Variants in WDPCP observed in about 807,000 individuals in gnomAD.
The protein encoded by WDPCP is WD repeat containing planar cell polarity effector.
In WDPCP, 71 loss-of-function variants were observed where a neutral mutation model predicts 93.1. That is an observed-to-expected ratio of 0.76 (90% CI 0.63 to 0.93). The LOEUF is 0.93. WDPCP is among the 40% of genes least tolerant of loss of function. The pLI, the probability that WDPCP is intolerant of heterozygous loss-of-function variation, is 0.00. For missense variants in WDPCP, 844 were observed against 887.4 expected, an observed-to-expected ratio of 0.95 and a Z score of 0.62; for synonymous variants, 315 against 315.0, an observed-to-expected ratio of 1.00 and a Z score of 0.00.
At chr2:63,329,644 A>G (rs909622510) in intron 12 of WDPCP, among the ~76,000 whole-genome samples, 4 of 152,108 alleles carry the variant, frequency 2.6e-5, no homozygotes, top group African/African-American at 9.7e-5. Context: ...CCTTCCCCCA[A>G]AGGTCTTTTC....
chr2:63,437,436 T>C lies in WDPCP; in HGVS notation c.618A>G (p.Ser206=). ...SDVNKRLEKL[S]ALDYKIFYYE... ...AAATCTCTACCTTATAATCCAAGGC[T>C]GAGAGTTTTTCCAGTCTTTTGTTTA... Residue 206 remains serine (S), a synonymous_variant, in exon 8 of 18, where the codon TCA becomes TCG. Transcript: ENST00000272321. 6.2e-7 allele frequency: 1 copy of C among 1,601,472 alleles called. No homozygotes were observed. The highest frequency in any genetic ancestry group is 8.5e-7 in the Non-Finnish European group (1 of 1,173,072).
At chr2:63,261,283 G>C (rs767230648) in intron 13 of WDPCP, among the ~76,000 whole-genome samples, 2 of 150,888 alleles carry the variant, frequency 1.3e-5, no homozygotes, top group African/African-American at 4.9e-5. Context: ...CTTGATGCAA[G>C]TGCAAAGGAA....
chr2:63,528,941 G>C (rs1027463162), intron 1 of WDPCP, among the ~76,000 whole-genome samples: 1 of 152,172 alleles, frequency 6.6e-6, no homozygotes, highest in African/African-American at 2.4e-5. Context: ...TCCCTAGTAA[G>C]TTGGATTCCT....
chr2:63,241,226 T>C lies in WDPCP; in HGVS notation c.1915+18081A>G, dbSNP rs948647179. Among the ~76,000 whole-genome samples the C allele has an allele frequency of 4.6e-5, 7 of 152,296 alleles. No homozygotes were observed. The East Asian group carries it at 1.2e-3, about 25-fold the overall frequency. On this transcript the variant is annotated intron_variant, in intron 14 of 17. Transcript: ENST00000272321. ...AGTCAAGCAAGCAGTTAGTCTTTGATGTGCTCATAATTATGAAATATTTAG... is the reference window on the plus strand; with the variant it reads ...AGTCAAGCAAGCAGTTAGTCTTTGACGTGCTCATAATTATGAAATATTTAG...
At chr2:63,590,723 G>T (rs1412167131), upstream of WDPCP, 1 of 152,188 alleles carries the variant, frequency 6.6e-6, no homozygotes, top group East Asian at 1.9e-4. Flanking sequence ...AGGCCCCACC[G>T]TTGGAAGGTC....
At chr2:63,735,335 G>C (rs564191377) in intron 2 of WDPCP, among the ~76,000 whole-genome samples, 1 of 152,280 alleles carries the variant, frequency 6.6e-6, no homozygotes, top group South Asian at 2.1e-4. Context: ...AGGAGAGGTA[G>C]AATCTGAACA....
In WDPCP at chr2:63,353,876, T is replaced by C. The variant is rs900303574; in HGVS notation, c.1748+24510A>G. Among the ~76,000 whole-genome samples the C allele has an allele frequency of 5.3e-5, 8 of 152,104 alleles. No individual in the cohort carries two copies. In the East Asian group the frequency reaches 7.7e-4, roughly 15 times the overall value. On this transcript the variant is annotated intron_variant, in intron 12 of 17. Transcript: ENST00000272321. Reference sequence around the variant, plus strand: ...CCCCCAGAATACTGCAGCAGCCCTATAGAAAAGTGGCCAAACTGTTATATG... The same window carrying C: ...CCCCCAGAATACTGCAGCAGCCCTACAGAAAAGTGGCCAAACTGTTATATG...
intron 1 of WDPCP, among the ~76,000 whole-genome samples, chr2:63,575,371 TATATACA>T (rs1318198631): frequency 3.0e-5 from 4 of 135,350 alleles, no homozygotes; most frequent in African/African-American, 8.2e-5. Context: ...GTATATACAG[TATATACA>T]GTATATACAC....
At chr2:63,517,978 T>C (rs1249252603) in intron 1 of WDPCP, 3 of 152,276 alleles carry the variant, frequency 2.0e-5, no homozygotes, top group Non-Finnish European at 2.9e-5. Context: ...AACCTCTGCC[T>C]CCCAAGTTCA....
chr2:63,332,092 A>ATG (rs1047593903), intron 12 of WDPCP, among the ~76,000 whole-genome samples: 1 of 150,470 alleles, frequency 6.6e-6, no homozygotes, highest in East Asian at 1.9e-4. Context: ...ACATATATAT[A>ATG]TGTGTGTGTG....
intron 1 of WDPCP, among the ~76,000 whole-genome samples, chr2:63,567,712 C>G (rs973094621): frequency 1.3e-5 from 2 of 152,106 alleles, no homozygotes; most frequent in Admixed American, 6.5e-5. Context: ...ATTTTCATAG[C>G]ACTAATAACA....
At chr2:63,435,359 A>G (rs1697062377) in intron 8 of WDPCP, among the ~76,000 whole-genome samples, 1 of 152,208 alleles carries the variant, frequency 6.6e-6, no homozygotes, top group Non-Finnish European at 1.5e-5. Context: ...TTTAAAATCC[A>G]AATGGGCAAT....
chr2:63,269,373 A>C (rs925509580), intron 13 of WDPCP, among the ~76,000 whole-genome samples: 1 of 152,210 alleles, frequency 6.6e-6, no homozygotes, highest in Non-Finnish European at 1.5e-5. Context: ...TCAACAAAAG[A>C]TGACAAACTG....
At chr2:63,530,102 T>C (rs1703709523) in intron 1 of WDPCP, among the ~76,000 whole-genome samples, 1 of 152,216 alleles carries the variant, frequency 6.6e-6, no homozygotes, top group Non-Finnish European at 1.5e-5. Context: ...TCTTCTTTAG[T>C]AGTCTTGCTA....
At chr2:63,604,659 T>G (rs1225525939) in intron 3 of WDPCP, 1 of 1,534,948 alleles carries the variant, frequency 6.5e-7, no homozygotes, top group Non-Finnish European at 8.9e-7. Flanking sequence ...ATAAAAACCA[T>G]TTGTCTCAGT....
At chr2:63,279,220 T>C (rs1453267748) in intron 13 of WDPCP, among the ~76,000 whole-genome samples, 3 of 152,142 alleles carry the variant, frequency 2.0e-5, no homozygotes, top group African/African-American at 7.2e-5. Context: ...TGAACATAGA[T>C]GCAACAATCC....
intron 17 of WDPCP, among the ~76,000 whole-genome samples, chr2:63,134,090 G>C (rs1234880431): frequency 6.6e-6 from 1 of 152,080 alleles, no homozygotes; most frequent in African/African-American, 2.4e-5. Flanking sequence ...TGTTTCCTCT[G>C]GTTGTATGTG....
intron 1 of WDPCP, among the ~76,000 whole-genome samples, chr2:63,557,537 C>T (rs1291043417): frequency 1.3e-5 from 2 of 152,190 alleles, no homozygotes; most frequent in Non-Finnish European, 1.5e-5. Flanking sequence ...TACAAAGAGA[C>T]TTAGACTCCC....
chr2:63,183,886 C>CT (rs1224051754), intron 14 of WDPCP, among the ~76,000 whole-genome samples: 2 of 151,622 alleles, frequency 1.3e-5, no homozygotes, highest in Non-Finnish European at 2.9e-5. Flanking sequence ...CTGACTTTGT[C>CT]TTTTTTTTAC....
Sources: allele counts gnomAD v4.1 joint callset (sites outside exome capture counted in the v4.1 genomes callset), GRCh38; gene constraint gnomAD v4.1.1; transcripts MANE v1.5; gene names NCBI Gene and HGNC (gene_info 2026-07-23, HGNC 2026-07-21).